ATR: variants seen among roughly 807,000 people sequenced by gnomAD.
The protein encoded by ATR is serine/threonine-protein kinase ATR.
Under a neutral mutation model 305.3 loss-of-function variants are expected in ATR, and 142 were observed. That is an observed-to-expected ratio of 0.47 (90% confidence interval 0.41 to 0.53). The LOEUF is 0.53. Ranked by LOEUF, ATR falls within the 20% of genes least tolerant of loss-of-function variation. ATR has a pLI of 0.00. For missense variants in ATR, 2,135 were observed against 3,133.1 expected, an observed-to-expected ratio of 0.68 and a Z score of 7.60; for synonymous variants, 1,050 against 1,068.1, an observed-to-expected ratio of 0.98 and a Z score of 0.33.
At position 142,467,928 on chromosome 3, in the gene ATR, T is replaced by C. The variant is rs1481971727; in HGVS notation, c.6687+6A>G. 1.2e-6 allele frequency: 2 copies of C among 1,612,502 alleles called. No individual in the cohort carries two copies. The highest frequency in any genetic ancestry group is 1.7e-6 in the Non-Finnish European group (2 of 1,179,252). On this transcript the variant is annotated splice_donor_region_variant and intron_variant, in intron 39 of 46. Coordinates refer to ENST00000350721, the MANE Select transcript of ATR (RefSeq NM_001184.4). ...CAGTTTATAAGCACTAAGATTATGATAGTACCGGTTTATTGCACAATTCTA... is the reference window on the plus strand; with the variant it reads ...CAGTTTATAAGCACTAAGATTATGACAGTACCGGTTTATTGCACAATTCTA...
chr3:142,561,412 C>T lies in ATR; in HGVS notation c.1180G>A (p.Gly394Ser), dbSNP rs2108485417. 6.2e-7 allele frequency: 1 copy of T among 1,613,348 alleles called. No individual in the cohort carries two copies. ...ATTTTCAAAGCTGCATAAAGTGGGCCCAACAAGTACTGAGAAAATAAAAAA... is the reference window on the plus strand; with the variant it reads ...ATTTTCAAAGCTGCATAAAGTGGGCTCAACAAGTACTGAGAAAATAAAAAA... ...GIEVDAEYLL[G>S]PLYAALKMES... Residue 394 changes from glycine to serine, a missense_variant, in exon 5 of 47, where the codon GGC (glycine) becomes AGC (serine). Around this residue, in one of 9 missense-constraint regions of ATR, gnomAD observed 744 missense variants for 873.2 expected, o/e 0.85. Coordinates refer to ENST00000350721, the MANE Select transcript of ATR (RefSeq NM_001184.4).
At chr3:142,499,573 C>A (rs967592260) in intron 31 of ATR, 54 bp downstream of exon 31, 1 of 1,532,304 alleles carries the variant, frequency 6.5e-7, no homozygotes. Context: ...GGATTACAGG[C>A]GTGAGCCACC....
chr3:142,485,212 A>C lies in ATR; in HGVS notation c.6149T>G (p.Met2050Arg), dbSNP rs1463550758. 6.2e-7 allele frequency: 1 copy of C among 1,614,194 alleles called. No homozygotes were observed. Among genetic ancestry groups the C allele is most frequent in the East Asian group, 2.2e-5 (1 of 44,882 alleles). ...CATTTTGTTGTCTGTGACCATGGGC[A>C]TCAATTTGTCATAGTACTTGGCAAG... Reference protein sequence around the residue: ...FYLAKYYDKLMPMVTDNKMEK... With the variant: ...FYLAKYYDKLRPMVTDNKMEK... Residue 2050 changes from methionine to arginine, a missense_variant, in exon 36 of 47, where the codon ATG becomes AGG. Transcript: ENST00000350721.
intron 1 of ATR, among the ~76,000 whole-genome samples, chr3:142,569,008 G>A (rs1214627447): frequency 6.6e-6 from 1 of 152,074 alleles, no homozygotes; most frequent in East Asian, 1.9e-4. Flanking sequence ...TGGGAGGAAA[G>A]GGGTGGGTCC....
Position 142,465,321 on chromosome 3 carries a change from T to TAA in ATR, c.6898-83_6898-82dup, listed in dbSNP as rs78538255. The TAA allele has an allele frequency of 8.1e-4, 680 of 839,276 alleles. 1 individual carries two copies. The highest frequency in any genetic ancestry group is 5.7e-3 in the African/African-American group (307 of 54,070). The allele number at this position is 839,276 out of a possible 1,614,324, so 52.0% of individuals were successfully genotyped here. A position where few individuals can be genotyped will look rare whatever the true frequency, so the allele number is the denominator to read the frequency against. On this transcript the variant is annotated intron_variant, in intron 40 of 46. Transcript: ENST00000350721. ...TATATATTATAAACCTTGAGTTATGTAAAAAAAAAAAAAGAATATTACCAG... is the reference window on the plus strand; with the variant it reads ...TATATATTATAAACCTTGAGTTATGTAAAAAAAAAAAAAAAGAATATTACCAG...
chr3:142,575,272 G>A (rs1404053684), intron 1 of ATR, among the ~76,000 whole-genome samples: 1 of 151,928 alleles, frequency 6.6e-6, no homozygotes, highest in Non-Finnish European at 1.5e-5. Flanking sequence ...CATCACTTGA[G>A]GTCAGGAGTT....
Position 142,449,391 on chromosome 3 carries a change from T to C in ATR, c.*38A>G, listed in dbSNP as rs2070726170. ...CACAGATTCATACCAAATGCATTAC[T>C]TTTAGATTATTAACATATTCTTTTA... is the stretch of plus-strand genomic sequence containing the variant. On this transcript the variant is annotated 3_prime_UTR_variant, in exon 47 of 47. Transcript: ENST00000350721. 6.4e-7 allele frequency: 1 copy of C among 1,557,394 alleles called. No homozygotes were observed. Among genetic ancestry groups the C allele is most frequent in the African/African-American group, 1.4e-5 (1 of 73,578 alleles).
intron 41 of ATR, among the ~76,000 whole-genome samples, chr3:142,462,366 A>C (rs1278947228): frequency 2.0e-5 from 3 of 152,186 alleles, no homozygotes; most frequent in Non-Finnish European, 4.4e-5. Context: ...TAAAATATTT[A>C]AGTTGTATAT....
At chr3:142,476,307 C>A (rs974232296) in intron 36 of ATR, among the ~76,000 whole-genome samples, 1 of 152,262 alleles carries the variant, frequency 6.6e-6, no homozygotes, top group South Asian at 2.1e-4. Flanking sequence ...CAGCTTTCTA[C>A]ATACAGCTAG....
chr3:142,577,253 A>G (rs1481004241), intron 1 of ATR, among the ~76,000 whole-genome samples: 1 of 152,226 alleles, frequency 6.6e-6, no homozygotes, highest in East Asian at 1.9e-4. Context: ...GAAACCGACT[A>G]TATATAATCC....
chr3:142,451,060 G>A lies in ATR; in HGVS notation c.7762-1458C>T, dbSNP rs75693766. On this transcript the variant is annotated intron_variant, in intron 46 of 46. Transcript: ENST00000350721. ...AATATGAATCATCCCTGGAGCTCCA[G>A]GAAAATGGCCTGGCTGGTTTGTCTA... 6,405 of 1,279,014 alleles carry A rather than the reference G, an allele frequency of 5.0e-3. 143 individuals are homozygous for A. In the African/African-American group the frequency reaches 0.059, roughly 12 times the overall value. The allele number at this position is 1,279,014 out of a possible 1,614,324, so 79.2% of individuals were successfully genotyped here.
chr3:142,475,083 A>C (rs147011537), intron 36 of ATR, among the ~76,000 whole-genome samples: 20 of 152,208 alleles, frequency 1.3e-4, no homozygotes, highest in African/African-American at 4.8e-4. Context: ...ACTTATATAC[A>C]TGTTATGTTT....
intron 29 of ATR, among the ~76,000 whole-genome samples, chr3:142,504,054 A>T (rs1353583651): frequency 2.6e-5 from 4 of 152,248 alleles, no homozygotes; most frequent in African/African-American, 9.6e-5. Context: ...TGTGAAAAAT[A>T]AAGAATTTAT....
chr3:142,457,584 T>C lies in ATR; in HGVS notation c.7655+20A>G. 6.2e-7 allele frequency: 1 copy of C among 1,613,280 alleles called. No individual in the cohort carries two copies. Among genetic ancestry groups the C allele is most frequent in the Middle Eastern group, 1.7e-4 (1 of 6,060 alleles). Reference sequence around the variant, plus strand: ...TATTCGAGGTTACTGTTAAATTATTTACAAAGTATAGGTGATTACCTCATT... The same window carrying C: ...TATTCGAGGTTACTGTTAAATTATTCACAAAGTATAGGTGATTACCTCATT... On this transcript the variant is annotated intron_variant, in intron 45 of 46. Transcript: ENST00000350721.
chr3:142,505,153 G>A lies in ATR; in HGVS notation c.5182C>T (p.Leu1728=), dbSNP rs749051846. The A allele has an allele frequency of 8.7e-6, 14 of 1,614,014 alleles. No homozygotes were observed. The South Asian group carries it at 1.2e-4, about 14-fold the overall frequency. The part of the protein sequence containing the change: ...ATACYDRAIQ[L]EPDQIIHYHG... ...TATTATCTTACCTGGTCTGGTTCTA[G>A]CTGAATAGCCCTGTCATAACAAGCA... is the stretch of plus-strand genomic sequence containing the variant. Residue 1728 remains leucine, a synonymous_variant, in exon 29 of 47, where the codon CTA becomes TTA. Transcript: ENST00000350721.
At chr3:142,544,353 G>A (rs960349819) in intron 16 of ATR, among the ~76,000 whole-genome samples, 2 of 147,868 alleles carry the variant, frequency 1.4e-5, no homozygotes, top group African/African-American at 5.0e-5. Flanking sequence ...TCAGGAGGCT[G>A]AGGTGGGAAG....
chr3:142,558,676 G>A lies in ATR; in HGVS notation c.1833C>T (p.Thr611=). The stretch of plus-strand genomic sequence containing the variant: ...ATGTTAGAAGATTAGCGGCAAATGT[G>A]GTCAACTTTAAACAGCCATCATCAG... ...SHSDDGCLKL[T]TFAANLLTLS... is the part of the protein sequence containing the mutation. The change falls in exon 8 of 47, where the codon ACC becomes ACT. Residue 611 remains threonine, a synonymous_variant. Transcript: ENST00000350721. 6.2e-7 allele frequency: 1 copy of A among 1,613,288 alleles called. No homozygotes were observed. Among genetic ancestry groups the A allele is most frequent in the East Asian group, 2.2e-5 (1 of 44,766 alleles).
Position 142,467,081 on chromosome 3 carries a change from T to C in ATR, c.6688-548A>G, listed in dbSNP as rs2071147511. Among the ~76,000 whole-genome samples the C allele has an allele frequency of 2.0e-5, 3 of 152,270 alleles. No homozygotes were observed. In the South Asian group the frequency reaches 6.2e-4, roughly 32 times the overall value. On this transcript the variant is annotated intron_variant, in intron 39 of 46. Transcript: ENST00000350721. The stretch of plus-strand genomic sequence containing the variant: ...ATTAATGGAGATAATAAATGCAGAT[T>C]ACCCTTTTGAGATGTTTATTGATAA...
Position 142,505,275 on chromosome 3 carries a change from T to C in ATR, c.5060A>G (p.Asp1687Gly). ...QKLYAAMHEP[D>G]GVAGVSAIRK... ...AATTGCACTGACTCCGGCCACTCCA[T>C]CAGGTTCATGCATAGCAGCATACAA... The change falls in exon 29 of 47, where the codon GAT (aspartate) becomes GGT (glycine). Residue 1687 changes from aspartate (D) to glycine (G), a missense_variant. Around this residue, in one of 9 missense-constraint regions of ATR, gnomAD observed 45 missense variants for 80.4 expected, o/e 0.56. Coordinates refer to ENST00000350721, the MANE Select transcript of ATR (RefSeq NM_001184.4). 2 of 1,614,000 alleles carry C rather than the reference T, an allele frequency of 1.2e-6. No homozygotes were observed. Among genetic ancestry groups the C allele is most frequent in the East Asian group, 4.5e-5 (2 of 44,870 alleles).
Sources: allele counts gnomAD v4.1 joint callset (sites outside exome capture counted in the v4.1 genomes callset), GRCh38; gene constraint gnomAD v4.1.1; regional missense constraint gnomAD v4.1.1; transcripts MANE v1.5; gene names NCBI Gene and HGNC (gene_info 2026-07-23, HGNC 2026-07-21).